ADARB2: variants seen among roughly 807,000 people sequenced by gnomAD.
The protein encoded by ADARB2 is inactive double-stranded RNA-specific editase B2.
ADARB2 carries 25 observed loss-of-function variants against 62.2 expected under a neutral mutation model. The observed-to-expected ratio is 0.40, with a 90% CI of 0.29 to 0.56. ADARB2 has a LOEUF of 0.56. ADARB2 is among the 20% of genes least tolerant of loss of function. ADARB2 has a pLI of 0.43. For missense variants in ADARB2, 1,071 were observed against 1,077.4 expected (o/e 0.99, Z 0.08); for synonymous variants, 572 against 500.8 (o/e 1.14, Z -1.90).
At chr10:1,401,015 C>A (rs1832657054) in intron 1 of ADARB2, among the ~76,000 whole-genome samples, 1 of 152,158 alleles carries the variant, frequency 6.6e-6, no homozygotes, top group African/African-American at 2.4e-5. Flanking sequence ...GGCCCCTGAC[C>A]ACGATTGGAA....
At chr10:1,664,402 C>G (rs1364537706) in intron 1 of ADARB2, among the ~76,000 whole-genome samples, 4 of 152,194 alleles carry the variant, frequency 2.6e-5, no homozygotes, top group African/African-American at 9.7e-5. Context: ...ACAGTGGCTG[C>G]ACCATCCTGC....
chr10:1,498,846 C>G (rs1831724797), intron 1 of ADARB2, among the ~76,000 whole-genome samples: 2 of 151,184 alleles, frequency 1.3e-5, no homozygotes, highest in Non-Finnish European at 3.0e-5. Context: ...TCATTATTCA[C>G]CTCTTACTCA....
intron 1 of ADARB2, among the ~76,000 whole-genome samples, chr10:1,480,004 A>G (rs1831446834): frequency 6.6e-6 from 1 of 152,038 alleles, no homozygotes; most frequent in African/African-American, 2.4e-5. Context: ...GTCTTTAAAA[A>G]CTCAACAAAC....
intron 1 of ADARB2, among the ~76,000 whole-genome samples, chr10:1,666,569 G>A (rs1420262417): frequency 6.6e-6 from 1 of 152,224 alleles, no homozygotes; most frequent in East Asian, 1.9e-4. Context: ...GCCGCATCTG[G>A]GGTATCCAGC....
At chr10:1,327,802 C>T (rs1244858489) in intron 3 of ADARB2, among the ~76,000 whole-genome samples, 1 of 130,920 alleles carries the variant, frequency 7.6e-6, no homozygotes, top group Non-Finnish European at 1.7e-5. Flanking sequence ...AGCGCCTCCT[C>T]ACAGTTCAGC....
intron 1 of ADARB2, among the ~76,000 whole-genome samples, chr10:1,571,791 T>TGGTGATTGGACA (rs1832939128): frequency 1.5e-5 from 1 of 66,798 alleles, no homozygotes; most frequent in Non-Finnish European, 2.8e-5. Flanking sequence ...GGTGATATGC[T>TGGTGATTGGACA]GGTGAGTGGA....
At chr10:1,392,631 C>T (rs1446406784) in intron 1 of ADARB2, among the ~76,000 whole-genome samples, 1 of 152,126 alleles carries the variant, frequency 6.6e-6, no homozygotes, top group Non-Finnish European at 1.5e-5. Flanking sequence ...TTTTACAACG[C>T]CATCTCCAAG....
intron 1 of ADARB2, among the ~76,000 whole-genome samples, chr10:1,472,868 C>T (rs1831343568): frequency 6.6e-6 from 1 of 152,152 alleles, no homozygotes; most frequent in Non-Finnish European, 1.5e-5. Context: ...CGGGTGCCAT[C>T]AGGTGGCTGT....
rs1353765505 is a variant in ADARB2 at position 1,247,204 on chromosome 10, G to T, written c.1193-4905C>A. On this transcript the variant is annotated intron_variant, in intron 4 of 9. Transcript: ENST00000381312. ...TGTATCCTGAGACTTTGCTGAAGTT[G>T]CCTGTCAGCTTAAGGAGATTTTGGG... Among the ~76,000 whole-genome samples, 3 of 152,178 alleles carry T rather than the reference G, an allele frequency of 2.0e-5. No homozygotes were observed. The East Asian group carries it at 5.8e-4, about 29-fold the overall frequency.
At chr10:1,470,916 G>A (rs912655698) in intron 1 of ADARB2, among the ~76,000 whole-genome samples, 3 of 152,122 alleles carry the variant, frequency 2.0e-5, no homozygotes, top group South Asian at 2.1e-4. Flanking sequence ...AAAATTAGCC[G>A]GGCATGGTGG....
chr10:1,530,566 G>A (rs569796726), intron 1 of ADARB2, among the ~76,000 whole-genome samples: 1 of 152,342 alleles, frequency 6.6e-6, no homozygotes, highest in East Asian at 1.9e-4. Context: ...TGCGGAGCCT[G>A]AGTGGGCTTT....
chr10:1,233,105 C>T (rs1564229476), intron 6 of ADARB2, among the ~76,000 whole-genome samples: 1 of 152,100 alleles, frequency 6.6e-6, no homozygotes, highest in Non-Finnish European at 1.5e-5. Context: ...TGCCCCACGC[C>T]CTGCCCTCCG....
intron 3 of ADARB2, among the ~76,000 whole-genome samples, chr10:1,287,740 A>G (rs1383096245): frequency 6.6e-6 from 1 of 152,198 alleles, no homozygotes; most frequent in Non-Finnish European, 1.5e-5. Context: ...CTTTAATTAC[A>G]TGTACCTTTA....
At chr10:1,532,628 C>T (rs1351315573) in intron 1 of ADARB2, among the ~76,000 whole-genome samples, 2 of 152,304 alleles carry the variant, frequency 1.3e-5, no homozygotes, top group South Asian at 4.1e-4. Flanking sequence ...CTGTCCACTG[C>T]GTGCAGGGCC....
At chr10:1,428,940 G>A (rs531927099) in intron 1 of ADARB2, among the ~76,000 whole-genome samples, 1 of 152,198 alleles carries the variant, frequency 6.6e-6, no homozygotes, top group South Asian at 2.1e-4. Context: ...AATAAGGTGG[G>A]TGGAGGGCAC....
chr10:1,274,737 A>G (rs1209464328), intron 3 of ADARB2, among the ~76,000 whole-genome samples: 1 of 152,194 alleles, frequency 6.6e-6, no homozygotes, highest in Non-Finnish European at 1.5e-5. Context: ...AGGTGCCAAT[A>G]TTATCCTTTT....
chr10:1,661,917 G>A (rs1380129291), intron 1 of ADARB2, among the ~76,000 whole-genome samples: 1 of 152,180 alleles, frequency 6.6e-6, no homozygotes, highest in Non-Finnish European at 1.5e-5. Context: ...AAAGGGGCTA[G>A]GAGCTATAAA....
chr10:1,282,457 C>A (rs1831379062), intron 3 of ADARB2, among the ~76,000 whole-genome samples: 2 of 152,184 alleles, frequency 1.3e-5, no homozygotes, highest in South Asian at 4.1e-4. Flanking sequence ...ATGTAGTTTT[C>A]CATAGTTGAA....
chr10:1,717,516 T>G (rs1001874822), intron 1 of ADARB2, among the ~76,000 whole-genome samples: 1 of 149,310 alleles, frequency 6.7e-6, no homozygotes, highest in Non-Finnish European at 1.5e-5. Context: ...TCTTTCTCTC[T>G]CTCTTTCCTT....
Sources: gnomAD v4.1 joint callset for allele counts (sites outside exome capture counted in the v4.1 genomes callset) on GRCh38, gnomAD v4.1.1 for gene constraint, MANE v1.5 for transcripts, NCBI Gene and HGNC (gene_info 2026-07-23, HGNC 2026-07-21) for gene names.